TTN: variants seen among roughly 807,000 people sequenced by gnomAD.
The protein encoded by TTN is connectin.
TTN carries 1,525 observed loss-of-function variants against 3,223.0 expected under a neutral mutation model. The observed-to-expected ratio is 0.47, with a 90% CI of 0.45 to 0.49. TTN has a LOEUF of 0.49. Ranked by LOEUF, TTN falls within the 20% of genes least tolerant of loss-of-function variation. TTN has a pLI of 0.00. For synonymous variants in TTN, 14,094 were observed against 15,161.0 expected (o/e 0.93, Z 5.17); for missense variants, 40,786 against 43,424.0 (o/e 0.94, Z 5.40).
intron 223 of TTN, among the ~76,000 whole-genome samples, chr2:178,638,537 G>C (rs1245683876): frequency 4.0e-5 from 6 of 150,788 alleles, no homozygotes; most frequent in Non-Finnish European, 7.4e-5. Flanking sequence ...TCTCACTGTG[G>C]AATGTAACAA....
rs35112591 is a variant in TTN, at chr2:178,678,490, C to T, written c.33834G>A (p.Glu11278=). ...TCTCAGGCACAGGCTTCTTGGGTAC[C>T]TCTGGCACTTTAACGAAATGATTTA... ...KVEAPPAKVP[E]VPKKPVPEKK... The change falls in exon 144 of 363, where the codon GAG becomes GAA. Residue 11278 remains glutamate, a synonymous_variant. Transcript: ENST00000589042. 0.17 allele frequency: 267,336 copies of T among 1,574,886 alleles called. 25,619 individuals carry two copies. The highest frequency in any genetic ancestry group is 0.46 in the East Asian group (19,942 of 43,584).
At position 178,605,125 on chromosome 2, in the gene TTN, T is replaced by C. The variant is rs2054476187; in HGVS notation, c.54052A>G (p.Lys18018Glu). The C allele has an allele frequency of 5.0e-6, 8 of 1,612,752 alleles. No individual in the cohort carries two copies. The East Asian group carries it at 1.8e-4, about 36-fold the overall frequency. Residue 18018 changes from lysine (K) to glutamate (E), a missense_variant, in exon 280 of 363, where the codon AAG becomes GAG. Physicochemically the swap from Lys to Glu is moderately conservative, Grantham distance 56. Coordinates refer to ENST00000589042, the MANE Select transcript of TTN (RefSeq NM_001267550.2). ...EKPTDALQIT[K>E]EEVSRSEAKT... is the part of the protein sequence containing the mutation. Reference sequence around the variant, plus strand: ...GCCTCACTTCGGGATACCTCTTCCTTGGTTATCTGAAGTGCATCAGTGGGT... The same window carrying C: ...GCCTCACTTCGGGATACCTCTTCCTCGGTTATCTGAAGTGCATCAGTGGGT...
At chr2:178,746,598 C>T in intron 47 of TTN, 1 of 1,613,244 alleles carries the variant, frequency 6.2e-7, no homozygotes, top group Non-Finnish European at 8.5e-7. Context: ...TCTACATTTG[C>T]AAAGCTCTTT....
intron 3 of TTN, among the ~76,000 whole-genome samples, chr2:178,801,177 G>A (rs549811282): frequency 1.6e-4 from 25 of 152,240 alleles, no homozygotes; most frequent in African/African-American, 5.5e-4. Context: ...AACTTGATAG[G>A]TATTCAAATA....
Position 178,669,613 on chromosome 2 carries a change from G to T in TTN, c.35449C>A (p.Pro11817Thr). 6.2e-7 allele frequency: 1 copy of T among 1,612,294 alleles called. No homozygotes were observed. Among genetic ancestry groups the T allele is most frequent in the South Asian group, 1.1e-5 (1 of 91,046 alleles). Reference protein sequence around the residue: ...EKVREAVLKKPEVPPAKVPGM... With the variant: ...EKVREAVLKKTEVPPAKVPGM... ...ATACCTTTAGCTGGTGGAACTTCAG[G>T]CTTTTTCAGAACAGCTTCACGAACT... Residue 11817 changes from proline (P) to threonine (T), a missense_variant, in exon 158 of 363, where the codon CCT becomes ACT. Transcript: ENST00000589042.
At chr2:178,538,221 CT>C (rs1692555985) in intron 354 of TTN, 1 of 461,148 alleles carries the variant, frequency 2.2e-6, no homozygotes, top group Non-Finnish European at 3.8e-6. Context: ...TATTCTTGCC[CT>C]TACTTAGGTT....
rs757199733 is a variant in TTN, at chr2:178,799,505, G to A, written c.896C>T (p.Pro299Leu). The A allele has an allele frequency of 1.9e-6, 3 of 1,614,014 alleles. No homozygotes were observed. The highest frequency in any genetic ancestry group is 2.2e-5 in the East Asian group (1 of 44,878). ...GCTTTACCTGACCGGAGATGGGGTC[G>A]GTGCCCGCACGTGTCTGACCGGGGA... is the stretch of plus-strand genomic sequence containing the variant. ...SPSPVRHVRA[P>L]TPSPVRSVSP... The change falls in exon 6 of 363, where the codon CCG (proline) becomes CTG (leucine). Residue 299 changes from proline to leucine, a missense_variant. Pro to Leu is a moderately conservative substitution (Grantham distance 98, BLOSUM62 -3). Transcript: ENST00000589042.
chr2:178,788,980 A>G (rs1159806133), intron 13 of TTN, among the ~76,000 whole-genome samples: 3 of 152,018 alleles, frequency 2.0e-5, no homozygotes, highest in Non-Finnish European at 1.5e-5. Flanking sequence ...ACCCTTCAAA[A>G]CACACATCTT....
In TTN at chr2:178,551,615, A is replaced by G. The variant is rs757793444; in HGVS notation, c.91270+15T>C. On this transcript the variant is annotated intron_variant, in intron 335 of 362. Coordinates refer to ENST00000589042, the MANE Select transcript of TTN (RefSeq NM_001267550.2). The stretch of plus-strand genomic sequence containing the variant: ...CAATTGCTAAACTAAATGTATTTGA[A>G]TAATAATCACTTACCTACTGGAGAA... The G allele has an allele frequency of 3.2e-6, 5 of 1,540,716 alleles. No individual in the cohort carries two copies. In the South Asian group the frequency reaches 6.4e-5, roughly 20 times the overall value.
chr2:178,756,220 AC>A lies in TTN; in HGVS notation c.11254+1del. The A allele has an allele frequency of 1.9e-6, 3 of 1,589,860 alleles. No homozygotes were observed. Among genetic ancestry groups the A allele is most frequent in the Non-Finnish European group, 2.6e-6 (3 of 1,163,620 alleles). ...GCAAGTCATAGCTAAAAATCAATTAACCACCTTCTACACTTAGTACTGCTGA... is the reference window on the plus strand; with the variant it reads ...GCAAGTCATAGCTAAAAATCAATTAACACCTTCTACACTTAGTACTGCTGA... On this transcript the variant is annotated splice_donor_variant, in intron 46 of 362. Transcript: ENST00000589042. LOFTEE classifies it high-confidence loss of function.
rs754346635 is a variant in TTN, at chr2:178,795,071, T to C, written c.1096A>G (p.Thr366Ala). The change falls in exon 7 of 363, where the codon ACC becomes GCC. Residue 366 changes from threonine (T) to alanine (A), a missense_variant. Transcript: ENST00000589042. ...EAEMRETTLT[T>A]STQIRTEERW... is the part of the protein sequence containing the mutation. ...TCTTCTGTCCTGATCTGAGTAGAGG[T>C]TGTCAGCGTTGTCTCTCTCATCTCA... The C allele has an allele frequency of 3.1e-6, 5 of 1,613,934 alleles. No individual in the cohort carries two copies. The East Asian group carries it at 8.9e-5, about 29-fold the overall frequency.
At chr2:178,765,155 T>C (rs1299289047) in intron 41 of TTN, among the ~76,000 whole-genome samples, 1 of 152,204 alleles carries the variant, frequency 6.6e-6, no homozygotes, top group Non-Finnish European at 1.5e-5. Context: ...TTCCGTGTGC[T>C]ACCTATTTTT....
At chr2:178,746,565 C>G (rs146866775) in intron 47 of TTN, 1 of 1,613,092 alleles carries the variant, frequency 6.2e-7, no homozygotes, top group African/African-American at 1.3e-5. Flanking sequence ...AGTGCCACCA[C>G]TCTTTCTTCC....
rs748183491 is a variant in TTN at position 178,723,437 on chromosome 2, A to T, written c.21663T>A (p.Thr7221=). 6.2e-7 allele frequency: 1 copy of T among 1,612,670 alleles called. No individual in the cohort carries two copies. Among genetic ancestry groups the T allele is most frequent in the Admixed American group, 1.7e-5 (1 of 59,926 alleles). The stretch of plus-strand genomic sequence containing the variant: ...GCAAACCTTTCACAAAGAGACGGGT[A>T]GTGCAAGATGCTTGGCCAGCGTTGT... The part of the protein sequence containing the change: ...VSNNAGQASC[T]TRLFVKEPAA... The change falls in exon 74 of 363, where the codon ACT becomes ACA. Residue 7221 remains threonine, a synonymous_variant. Transcript: ENST00000589042.
chr2:178,629,476 C>T lies in TTN; in HGVS notation c.44282-33G>A, dbSNP rs536002909. On this transcript the variant is annotated intron_variant, in intron 239 of 362. Transcript: ENST00000589042. Reference sequence around the variant, plus strand: ...AGAGGGAAGAAACAGCTTTGCGTTACTCATTTTGTAATCCCAAAAGAATAA... The same window carrying T: ...AGAGGGAAGAAACAGCTTTGCGTTATTCATTTTGTAATCCCAAAAGAATAA... 7 of 1,610,850 alleles carry T rather than the reference C, an allele frequency of 4.3e-6. No homozygotes were observed. In the East Asian group the frequency reaches 1.6e-4, roughly 36 times the overall value.
chr2:178,559,216 G>C, intron 326 of TTN, 95 bp downstream of exon 326: 2 of 1,202,192 alleles, frequency 1.7e-6, no homozygotes, highest in Non-Finnish European at 2.3e-6. Flanking sequence ...GAACCCAAAA[G>C]CATTTAAGAT....
rs1187250914 is a variant in TTN at position 178,618,460 on chromosome 2, C to G, written c.46998G>C (p.Val15666=). 1 of 1,612,470 alleles carries G rather than the reference C, an allele frequency of 6.2e-7. No individual in the cohort carries two copies. Among genetic ancestry groups the G allele is most frequent in the Admixed American group, 1.7e-5 (1 of 59,860 alleles). Reference sequence around the variant, plus strand: ...TCACTTCACCATCAAATGTTTCTGTCACTTCTAAGTTACGTACTGGCCCAG... The same window carrying G: ...TCACTTCACCATCAAATGTTTCTGTGACTTCTAAGTTACGTACTGGCCCAG... ...DVPGPVRNLE[V]TETFDGEVSL... Residue 15666 remains valine (V), a synonymous_variant, in exon 252 of 363, where the codon GTG becomes GTC. Transcript: ENST00000589042.
intron 134 of TTN, 104 bp from the exon 135 acceptor site, chr2:178,683,007 G>A (rs978525057): frequency 1.7e-6 from 2 of 1,187,256 alleles, no homozygotes; most frequent in African/African-American, 1.6e-5. Flanking sequence ...TTTGTTTCAT[G>A]CACTGATTAT....
chr2:178,729,944 T>C lies in TTN; in HGVS notation c.18309A>G (p.Glu6103=), dbSNP rs1560779799. 2 of 1,609,432 alleles carry C rather than the reference T, an allele frequency of 1.2e-6. No individual in the cohort carries two copies. Among genetic ancestry groups the C allele is most frequent in the Non-Finnish European group, 1.7e-6 (2 of 1,178,362 alleles). ...TGGGCTTCTTAATGAATTGAGGAGG[T>C]TCTAAAGATGGAAAAAGAATTGTGA... ...ATSKATLFVK[E]PPQFIKKPSP... The change falls in exon 63 of 363, where the codon GAA becomes GAG. Residue 6103 remains glutamate, a splice_region_variant and synonymous_variant. Transcript: ENST00000589042.
Sources: gnomAD v4.1 joint callset for allele counts (sites outside exome capture counted in the v4.1 genomes callset) on GRCh38, gnomAD v4.1.1 for gene constraint, MANE v1.5 for transcripts, NCBI Gene and HGNC (gene_info 2026-07-23, HGNC 2026-07-21) for gene names.